The following SGCZ variants were observed in gnomAD, a reference collection of about 807,000 sequenced individuals.
SGCZ encodes sarcoglycan zeta.
Under a neutral mutation model 41.3 loss-of-function variants are expected in SGCZ, and 40 were observed. That is an observed-to-expected ratio of 0.97 (90% CI 0.75 to 1.26). The LOEUF is 1.26. SGCZ is among the 50% of genes most tolerant of loss of function. SGCZ has a pLI of 0.00. For synonymous variants in SGCZ, 206 were observed against 137.5 expected, an observed-to-expected ratio of 1.50 and a Z score of -3.49; for missense variants, 552 against 369.8, an observed-to-expected ratio of 1.49 and a Z score of -4.04.
intron 4 of SGCZ, among the ~76,000 whole-genome samples, chr8:14,204,915 G>A (rs774735612): frequency 6.6e-6 from 1 of 152,002 alleles, no homozygotes; most frequent in Non-Finnish European, 1.5e-5. Context: ...ACTGAGCCTT[G>A]TTACTGGAAT....
chr8:14,168,178 C>A (rs898861094), intron 4 of SGCZ, among the ~76,000 whole-genome samples: 6 of 151,996 alleles, frequency 3.9e-5, no homozygotes, highest in African/African-American at 4.8e-5. Flanking sequence ...TCAAAATTTC[C>A]ACAAGGAAAA....
At chr8:14,863,893 A>G (rs1016977086) in intron 1 of SGCZ, among the ~76,000 whole-genome samples, 2 of 152,106 alleles carry the variant, frequency 1.3e-5, no homozygotes, top group African/African-American at 2.4e-5. Flanking sequence ...CTCTCTTTAG[A>G]TGAAAATTTA....
intron 1 of SGCZ, among the ~76,000 whole-genome samples, chr8:14,580,087 A>G (rs1194897296): frequency 6.6e-6 from 1 of 152,222 alleles, no homozygotes; most frequent in East Asian, 1.9e-4. Context: ...CAAAGACAGT[A>G]TGAAGGAAAG....
At chr8:14,675,545 A>G (rs111418175) in intron 1 of SGCZ, among the ~76,000 whole-genome samples, 1,904 of 152,182 alleles carry the variant, frequency 0.013, 36 homozygotes, top group African/African-American at 0.031. Context: ...GTATATATAG[A>G]TTCCTCAATT....
intron 1 of SGCZ, among the ~76,000 whole-genome samples, chr8:15,197,860 T>C (rs1585664583): frequency 1.3e-5 from 2 of 151,530 alleles, no homozygotes. Context: ...CACATACCAA[T>C]ATATTTACAT....
intron 1 of SGCZ, among the ~76,000 whole-genome samples, chr8:14,815,114 A>T (rs1010665981): frequency 1.3e-5 from 2 of 152,112 alleles, no homozygotes; most frequent in African/African-American, 4.8e-5. Flanking sequence ...AAGGCAGGGT[A>T]TTTGTTATTA....
At chr8:15,194,974 G>A (rs1023554479) in intron 1 of SGCZ, among the ~76,000 whole-genome samples, 2 of 152,118 alleles carry the variant, frequency 1.3e-5, no homozygotes, top group South Asian at 4.1e-4. Context: ...AAAAGGAAAT[G>A]TTAAAAAATG....
intron 1 of SGCZ, among the ~76,000 whole-genome samples, chr8:14,947,643 G>A (rs1445821963): frequency 6.6e-6 from 1 of 152,162 alleles, no homozygotes; most frequent in African/African-American, 2.4e-5. Flanking sequence ...TATGGGCCAT[G>A]AGCAAGAGCA....
chr8:14,881,616 C>T (rs1804592655), intron 1 of SGCZ, among the ~76,000 whole-genome samples: 1 of 152,022 alleles, frequency 6.6e-6, no homozygotes, highest in South Asian at 2.1e-4. Flanking sequence ...TCTGTATCTC[C>T]CACACAATAA....
At chr8:14,981,624 G>T (rs1165566326) in intron 1 of SGCZ, among the ~76,000 whole-genome samples, 1 of 152,012 alleles carries the variant, frequency 6.6e-6, no homozygotes, top group Non-Finnish European at 1.5e-5. Flanking sequence ...GTGGCTTTTT[G>T]TTCATGTGGT....
chr8:15,058,938 T>C (rs1205671427), intron 1 of SGCZ, among the ~76,000 whole-genome samples: 2 of 152,316 alleles, frequency 1.3e-5, no homozygotes, highest in Non-Finnish European at 2.9e-5. Context: ...ACCAGGTGTT[T>C]TTAAAAGAAA....
intron 1 of SGCZ, among the ~76,000 whole-genome samples, chr8:14,698,198 T>G (rs535104344): frequency 6.6e-6 from 1 of 152,108 alleles, no homozygotes; most frequent in Non-Finnish European, 1.5e-5. Context: ...TTGGTTATTT[T>G]TAGCATCTAA....
chr8:14,551,569 AATATATATATAAT>A (rs1803854698), intron 2 of SGCZ, among the ~76,000 whole-genome samples: 1 of 18,430 alleles, frequency 5.4e-5, no homozygotes, highest in African/African-American at 2.9e-4. Context: ...TTATATATAT[AATATATATATAAT>A]ATATATAATA....
intron 1 of SGCZ, among the ~76,000 whole-genome samples, chr8:15,091,138 T>C (rs984903631): frequency 1.3e-5 from 2 of 152,198 alleles, no homozygotes; most frequent in African/African-American, 4.8e-5. Context: ...TTCTTTATAT[T>C]TTTTTGGCCA....
At chr8:14,424,264 A>G (rs1799715414) in intron 2 of SGCZ, among the ~76,000 whole-genome samples, 1 of 152,196 alleles carries the variant, frequency 6.6e-6, no homozygotes, top group African/African-American at 2.4e-5. Flanking sequence ...CTGCAATGTT[A>G]GGTGCTAAAG....
chr8:14,762,698 C>T (rs1799928141), intron 1 of SGCZ, among the ~76,000 whole-genome samples: 1 of 152,076 alleles, frequency 6.6e-6, no homozygotes, highest in Non-Finnish European at 1.5e-5. Context: ...TATCTTTTTT[C>T]TGTCTTCTAC....
chr8:14,928,268 G>C (rs1799820396), intron 1 of SGCZ, among the ~76,000 whole-genome samples: 1 of 152,150 alleles, frequency 6.6e-6, no homozygotes, highest in Non-Finnish European at 1.5e-5. Flanking sequence ...AGGACTTCTA[G>C]TTATGATCAT....
intron 1 of SGCZ, among the ~76,000 whole-genome samples, chr8:14,618,937 G>A (rs1183671926): frequency 2.0e-5 from 3 of 152,084 alleles, no homozygotes; most frequent in African/African-American, 4.8e-5. Context: ...GCAGAAAATA[G>A]GAAGAGAACA....
chr8:14,499,595 A>T (rs946041911), intron 2 of SGCZ, among the ~76,000 whole-genome samples: 1 of 152,096 alleles, frequency 6.6e-6, no homozygotes, highest in Non-Finnish European at 1.5e-5. Flanking sequence ...CAAGCTAGGC[A>T]GCCTTCCTCC....
Sources: allele counts gnomAD v4.1 joint callset (sites outside exome capture counted in the v4.1 genomes callset), GRCh38; gene constraint gnomAD v4.1.1; transcripts MANE v1.5; gene names NCBI Gene and HGNC (gene_info 2026-07-23, HGNC 2026-07-21).